Variants in GRM5 observed in about 807,000 individuals in gnomAD.
The protein encoded by GRM5 is metabotropic glutamate receptor 5.
GRM5 carries 19 observed loss-of-function variants against 83.1 expected under a neutral mutation model. That is an observed-to-expected ratio of 0.23 (90% CI 0.16 to 0.34). GRM5 has a LOEUF of 0.34. Ranked by LOEUF, GRM5 falls within the 10% of genes least tolerant of loss-of-function variation. The pLI, the probability that GRM5 is intolerant of heterozygous loss-of-function variation, is 1.00. For missense variants in GRM5, 1,160 were observed against 1,588.3 expected, an observed-to-expected ratio of 0.73 and a Z score of 4.58; for synonymous variants, 675 against 633.6, an observed-to-expected ratio of 1.07 and a Z score of -0.98.
chr11:88,908,125 T>A (rs1945434900), intron 2 of GRM5, among the ~76,000 whole-genome samples: 1 of 152,120 alleles, frequency 6.6e-6, no homozygotes, highest in Non-Finnish European at 1.5e-5. Flanking sequence ...TATCTATACT[T>A]ATCCATATTT....
intron 3 of GRM5, among the ~76,000 whole-genome samples, chr11:88,782,429 C>T (rs544930368): frequency 2.6e-5 from 4 of 152,162 alleles, no homozygotes; most frequent in African/African-American, 9.6e-5. Context: ...CCATCAGATC[C>T]CATAAGACTT....
chr11:88,618,307 T>A (rs1407708847), intron 4 of GRM5, among the ~76,000 whole-genome samples: 1 of 152,218 alleles, frequency 6.6e-6, no homozygotes, highest in Non-Finnish European at 1.5e-5. Flanking sequence ...TACAATTATT[T>A]GGAAGTGATG....
intron 9 of GRM5, chr11:88,511,653 C>T (rs898412514): frequency 9.9e-5 from 15 of 152,204 alleles, no homozygotes; most frequent in Non-Finnish European, 2.2e-4. Flanking sequence ...GCAGAGGGGG[C>T]ACTGCCAAAC....
At chr11:88,922,261 A>T (rs1251171039) in intron 2 of GRM5, among the ~76,000 whole-genome samples, 2 of 152,268 alleles carry the variant, frequency 1.3e-5, no homozygotes, top group African/African-American at 4.8e-5. Flanking sequence ...ACCACAAAAG[A>T]CTCAGAACAG....
intron 3 of GRM5, among the ~76,000 whole-genome samples, chr11:88,837,855 C>T (rs374528537): frequency 2.6e-5 from 4 of 151,954 alleles, no homozygotes; most frequent in African/African-American, 4.8e-5. Flanking sequence ...GAGGCAGAGG[C>T]GGGTGGATCA....
At chr11:88,582,004 C>T (rs1208111954) in intron 7 of GRM5, among the ~76,000 whole-genome samples, 1 of 152,164 alleles carries the variant, frequency 6.6e-6, no homozygotes, top group Non-Finnish European at 1.5e-5. Flanking sequence ...TTCCTCTCAT[C>T]AACGTTTACT....
intron 2 of GRM5, among the ~76,000 whole-genome samples, chr11:88,892,304 A>C (rs1316140705): frequency 1.3e-5 from 2 of 151,506 alleles, no homozygotes; most frequent in African/African-American, 4.8e-5. Context: ...CTGGCCTCAT[A>C]CCTTGTCTAC....
chr11:88,838,498 GGGAT>G (rs1382857099), intron 3 of GRM5, among the ~76,000 whole-genome samples: 2 of 152,102 alleles, frequency 1.3e-5, no homozygotes, highest in East Asian at 3.9e-4. Flanking sequence ...TGTGACTGTG[GGGAT>G]GGAGAAGAAT....
At chr11:88,965,218 A>T (rs1938914850) in intron 2 of GRM5, among the ~76,000 whole-genome samples, 1 of 152,122 alleles carries the variant, frequency 6.6e-6, no homozygotes, top group Non-Finnish European at 1.5e-5. Context: ...TTAGAAATTT[A>T]TTTTTCACAG....
intron 3 of GRM5, among the ~76,000 whole-genome samples, chr11:88,764,894 TAGAGAA>T (rs2135442607): frequency 6.6e-6 from 1 of 151,488 alleles, no homozygotes; most frequent in South Asian, 2.1e-4. Flanking sequence ...AGAAAGATTA[TAGAGAA>T]AATCAATAAA....
intron 3 of GRM5, among the ~76,000 whole-genome samples, chr11:88,759,890 C>T (rs1027370744): frequency 4.6e-5 from 7 of 151,990 alleles, no homozygotes; most frequent in African/African-American, 1.4e-4. Context: ...CAGACCACAA[C>T]AAAATCAAAT....
intron 2 of GRM5, among the ~76,000 whole-genome samples, chr11:88,866,467 G>C (rs560960813): frequency 6.6e-6 from 1 of 152,034 alleles, no homozygotes; most frequent in East Asian, 1.9e-4. Flanking sequence ...CAGGTTGATG[G>C]TTGCAGCAGA....
At chr11:88,578,367 G>A (rs1185496469) in intron 7 of GRM5, among the ~76,000 whole-genome samples, 2 of 152,132 alleles carry the variant, frequency 1.3e-5, no homozygotes, top group Non-Finnish European at 2.9e-5. Context: ...AGGGGAAAAT[G>A]TGATAATTTA....
Position 88,803,157 on chromosome 11 carries a change from A to C in GRM5, c.911+46749T>G, listed in dbSNP as rs1378150971. Among the ~76,000 whole-genome samples, 18 of 150,550 alleles carry C rather than the reference A, an allele frequency of 1.2e-4. No individual in the cohort carries two copies. The South Asian group carries it at 2.6e-3, about 22-fold the overall frequency. ...TGCCATCCCCATCAAGCTACCAATGACTTTCTTCACAGAATTGGAAAAAAC... is the reference window on the plus strand; with the variant it reads ...TGCCATCCCCATCAAGCTACCAATGCCTTTCTTCACAGAATTGGAAAAAAC... On this transcript the variant is annotated intron_variant, in intron 3 of 9. Coordinates refer to ENST00000305447, the MANE Select transcript of GRM5 (RefSeq NM_001143831.3).
At chr11:88,975,218 A>G (rs1175871186) in intron 2 of GRM5, among the ~76,000 whole-genome samples, 1 of 152,250 alleles carries the variant, frequency 6.6e-6, no homozygotes, top group Non-Finnish European at 1.5e-5. Flanking sequence ...AAAGAGGACT[A>G]TGAATAAAAT....
chr11:89,057,532 G>A (rs1370956127), intron 1 of GRM5, among the ~76,000 whole-genome samples: 1 of 152,128 alleles, frequency 6.6e-6, no homozygotes, highest in African/African-American at 2.4e-5. Flanking sequence ...CAGTTCAATA[G>A]AGCTCACTAA....
chr11:88,751,917 A>C (rs1372462639), intron 3 of GRM5, among the ~76,000 whole-genome samples: 2 of 152,072 alleles, frequency 1.3e-5, no homozygotes, highest in Non-Finnish European at 2.9e-5. Context: ...CATATTAAAA[A>C]CTCTCAATAA....
intron 3 of GRM5, among the ~76,000 whole-genome samples, chr11:88,769,738 C>T (rs890610220): frequency 1.3e-5 from 2 of 151,894 alleles, no homozygotes; most frequent in African/African-American, 4.8e-5. Flanking sequence ...ATCTGCAAGT[C>T]CAGACTGATG....
chr11:88,937,081 C>G (rs1280438676), intron 2 of GRM5, among the ~76,000 whole-genome samples: 3 of 151,546 alleles, frequency 2.0e-5, no homozygotes, highest in African/African-American at 7.3e-5. Flanking sequence ...TTTAAAAAAA[C>G]TCACTACAAC....
Sources: gnomAD v4.1 joint callset for allele counts (sites outside exome capture counted in the v4.1 genomes callset) on GRCh38, gnomAD v4.1.1 for gene constraint, MANE v1.5 for transcripts, NCBI Gene and HGNC (gene_info 2026-07-23, HGNC 2026-07-21) for gene names.